Variants in LPP observed in about 807,000 individuals in gnomAD.
The protein encoded by LPP is LIM domain containing preferred translocation partner in lipoma.
In LPP, 38 loss-of-function variants were observed where a neutral mutation model predicts 60.4. That is an observed-to-expected ratio of 0.63 (90% CI 0.49 to 0.83). The LOEUF (loss-of-function observed/expected upper bound fraction) is 0.83, where lower values mean the gene tolerates loss of function less well. Ranked by LOEUF, LPP falls within the 40% of genes least tolerant of loss-of-function variation. The pLI is 0.00. For missense variants in LPP, 902 were observed against 783.6 expected (o/e 1.15, Z -1.80); for synonymous variants, 328 against 290.8 (o/e 1.13, Z -1.30).
chr3:188,512,460 G>C (rs1174070421), intron 5 of LPP, among the ~76,000 whole-genome samples: 1 of 136,252 alleles, frequency 7.3e-6, no homozygotes, highest in East Asian at 2.0e-4. Flanking sequence ...GCTTAGGCAG[G>C]AGAATTGCTT....
intron 3 of LPP, among the ~76,000 whole-genome samples, chr3:188,389,701 G>T (rs1269980168): frequency 6.8e-6 from 1 of 148,018 alleles, no homozygotes; most frequent in Non-Finnish European, 1.5e-5. Context: ...ACTTGAACCC[G>T]GGAGGCAGAG....
At chr3:188,492,075 T>C (rs548192514) in intron 5 of LPP, among the ~76,000 whole-genome samples, 4 of 152,280 alleles carry the variant, frequency 2.6e-5, no homozygotes, top group South Asian at 2.1e-4. Flanking sequence ...CAGTGAAAGA[T>C]TGGTTAACTG....
intron 9 of LPP, among the ~76,000 whole-genome samples, chr3:188,761,423 G>T (rs750894850): frequency 1.3e-5 from 2 of 152,002 alleles, no homozygotes; most frequent in Non-Finnish European, 2.9e-5. Context: ...ATTTTATTTC[G>T]TTTTCTTTCC....
intron 4 of LPP, among the ~76,000 whole-genome samples, chr3:188,423,724 G>A (rs895440486): frequency 6.6e-6 from 1 of 151,570 alleles, no homozygotes; most frequent in Non-Finnish European, 1.5e-5. Context: ...TCATATGTTT[G>A]TTGGCCACAT....
intron 7 of LPP, among the ~76,000 whole-genome samples, chr3:188,671,670 T>C (rs889223189): frequency 6.6e-6 from 1 of 152,182 alleles, no homozygotes; most frequent in Non-Finnish European, 1.5e-5. Flanking sequence ...TTTAAGTTTC[T>C]AGTTAATTAT....
chr3:188,533,533 G>T (rs1465787458), intron 6 of LPP, among the ~76,000 whole-genome samples: 1 of 152,182 alleles, frequency 6.6e-6, no homozygotes, highest in African/African-American at 2.4e-5. Context: ...GATTTGCTGA[G>T]AAATAGATTT....
In LPP at chr3:188,889,402, T is replaced by G. The variant is rs1421831706; in HGVS notation, c.*14923T>G. 1 of 231,694 alleles carries G rather than the reference T, an allele frequency of 4.3e-6. No individual in the cohort carries two copies. The highest frequency in any genetic ancestry group is 5.6e-5 in the Admixed American group (1 of 17,744). The allele number at this position is 231,694 out of a possible 1,614,324, so 14.4% of individuals were successfully genotyped here. On this transcript the variant is annotated 3_prime_UTR_variant, in exon 12 of 12. Coordinates refer to ENST00000617246, the MANE Select transcript of LPP (RefSeq NM_001375462.1). ...AGGGAGGACATGATTCCAAAAAAGATCGTTCTCAATGTGTCGTCTGACTCA... is the reference window on the plus strand; with the variant it reads ...AGGGAGGACATGATTCCAAAAAAGAGCGTTCTCAATGTGTCGTCTGACTCA...
At chr3:188,574,235 G>A (rs1341692039) in intron 6 of LPP, among the ~76,000 whole-genome samples, 1 of 152,144 alleles carries the variant, frequency 6.6e-6, no homozygotes, top group East Asian at 1.9e-4. Context: ...ATAACCGTCT[G>A]GGTGACTCAC....
chr3:188,555,076 G>A (rs1829148857), intron 6 of LPP, among the ~76,000 whole-genome samples: 1 of 152,126 alleles, frequency 6.6e-6, no homozygotes, highest in Non-Finnish European at 1.5e-5. Context: ...GAGATCTCAA[G>A]GAGGTGAGGA....
chr3:188,252,974 T>C (rs1475347087), intron 2 of LPP, among the ~76,000 whole-genome samples: 1 of 152,118 alleles, frequency 6.6e-6, no homozygotes, highest in Non-Finnish European at 1.5e-5. Flanking sequence ...GGTTTTGCCA[T>C]GTTGGCCAGG....
chr3:188,641,722 T>A lies in LPP; in HGVS notation c.1113+31878T>A, dbSNP rs148963040. 2.2e-3 allele frequency among the ~76,000 whole-genome samples: 335 copies of A among 152,336 alleles called. 3 individuals carry two copies. Among genetic ancestry groups the A allele is most frequent in the African/African-American group, 7.9e-3 (328 of 41,568 alleles). On this transcript the variant is annotated intron_variant, in intron 7 of 11. Transcript: ENST00000617246. ...CAGAAGCGTAACTATTATTTTCTTT[T>A]CTTCTTTGTTTTCTTTTTGAGGTAA...
At chr3:188,795,948 G>A (rs1745212646) in intron 9 of LPP, among the ~76,000 whole-genome samples, 2 of 152,014 alleles carry the variant, frequency 1.3e-5, no homozygotes, top group Admixed American at 1.3e-4. Context: ...ACAGTTGGTG[G>A]GGTGCGCCTT....
chr3:188,394,696 A>G lies in LPP; in HGVS notation c.-9-11416A>G, dbSNP rs573019668. 3.4e-4 allele frequency among the ~76,000 whole-genome samples: 52 copies of G among 152,230 alleles called. No homozygotes were observed. The South Asian group carries it at 0.011, about 32-fold the overall frequency. On this transcript the variant is annotated intron_variant, in intron 3 of 11. Transcript: ENST00000617246. ...TGATAAAAATACAGAAGCTACTACAACAGTTCTCTCATCAAGGGAAACTTA... is the reference window on the plus strand; with the variant it reads ...TGATAAAAATACAGAAGCTACTACAGCAGTTCTCTCATCAAGGGAAACTTA...
Position 188,595,862 on chromosome 3 carries a change from C to T in LPP, c.430-13299C>T, listed in dbSNP as rs558308452. On this transcript the variant is annotated intron_variant, in intron 6 of 11. Coordinates refer to ENST00000617246, the MANE Select transcript of LPP (RefSeq NM_001375462.1). ...TTTTTTAAATAGTTGTGCAGAAAAT[C>T]GAGAAGGGAGCTACCTTAACTGTGT... 5.1e-4 allele frequency among the ~76,000 whole-genome samples: 78 copies of T among 152,116 alleles called. 1 individual carries two copies. The South Asian group carries it at 0.016, about 31-fold the overall frequency.
intron 1 of LPP, 23 bp from the exon 2 acceptor site, chr3:188,225,382 C>T (rs900041290): frequency 4.6e-5 from 7 of 152,166 alleles, no homozygotes; most frequent in Admixed American, 3.9e-4. Context: ...GATACATAAG[C>T]AACACCCTTC....
chr3:188,359,183 C>T (rs1768494567), intron 3 of LPP, among the ~76,000 whole-genome samples: 2 of 152,168 alleles, frequency 1.3e-5, no homozygotes, highest in Non-Finnish European at 2.9e-5. Context: ...GTAAAACTTG[C>T]TCCATTCTCA....
At chr3:188,753,777 G>T in intron 8 of LPP, among the ~76,000 whole-genome samples, 1 of 152,172 alleles carries the variant, frequency 6.6e-6, no homozygotes, top group Non-Finnish European at 1.5e-5. Flanking sequence ...GAGTGTGGGT[G>T]TGTGTGAGTG....
At chr3:188,393,128 G>A (rs762932511) in intron 3 of LPP, among the ~76,000 whole-genome samples, 13 of 151,348 alleles carry the variant, frequency 8.6e-5, no homozygotes, top group Non-Finnish European at 1.9e-4. Context: ...AATCTCGTAT[G>A]TGTGGGGTCA....
chr3:188,579,983 A>G (rs993597394), intron 6 of LPP, among the ~76,000 whole-genome samples: 6 of 152,036 alleles, frequency 3.9e-5, no homozygotes, highest in Admixed American at 2.6e-4. Flanking sequence ...CCTGAGCGAC[A>G]GAGCAAGACC....
Sources: allele counts gnomAD v4.1 joint callset (sites outside exome capture counted in the v4.1 genomes callset), GRCh38; gene constraint gnomAD v4.1.1; transcripts MANE v1.5; gene names NCBI Gene and HGNC (gene_info 2026-07-23, HGNC 2026-07-21).